The following WNT2 variants were observed in gnomAD, a reference collection of about 807,000 sequenced individuals.
WNT2 encodes the protein Wnt family member 2.
Under a neutral mutation model 36.9 loss-of-function variants are expected in WNT2, and 12 were observed. That is an observed-to-expected ratio of 0.33 (90% CI 0.21 to 0.53). WNT2 has a LOEUF of 0.53. WNT2 is among the 20% of genes least tolerant of loss of function. The probability of loss-of-function intolerance (pLI) is 0.95; values close to 1 mark genes in which losing one functional copy is unlikely to be tolerated. For missense variants in WNT2, 379 were observed against 473.1 expected (o/e 0.80, Z 1.84); for synonymous variants, 163 against 174.6 (o/e 0.93, Z 0.52).
chr7:117,280,653 A>G (rs913764554), intron 4 of WNT2, among the ~76,000 whole-genome samples: 4 of 152,204 alleles, frequency 2.6e-5, no homozygotes, highest in African/African-American at 9.7e-5. Context: ...CAGATTTGCC[A>G]TGTATCAACT....
At chr7:117,318,943 T>C (rs1318340356) in intron 2 of WNT2, among the ~76,000 whole-genome samples, 2 of 152,246 alleles carry the variant, frequency 1.3e-5, no homozygotes, top group Non-Finnish European at 2.9e-5. Flanking sequence ...CACTGGTCAA[T>C]ATTGCTTCCT....
intron 3 of WNT2, among the ~76,000 whole-genome samples, chr7:117,314,833 G>C (rs1315135678): frequency 6.6e-6 from 1 of 152,182 alleles, no homozygotes; most frequent in East Asian, 1.9e-4. Flanking sequence ...TCAACACAAT[G>C]CCAAACACAA....
chr7:117,289,051 CTTTTTTT>C (rs1187027317), intron 4 of WNT2, among the ~76,000 whole-genome samples: 6 of 89,450 alleles, frequency 6.7e-5, no homozygotes, highest in Non-Finnish European at 1.0e-4. Flanking sequence ...TCACGTTAGA[CTTTTTTT>C]TTTTTTTTTT....
chr7:117,284,585 T>A lies in WNT2; in HGVS notation c.854-6201A>T, dbSNP rs564065720. ...ATCCCATAAGGGTGAGTTTTCACATTTTCCAAGCTGAATGGAGTGAAAGTT... is the reference window on the plus strand; with the variant it reads ...ATCCCATAAGGGTGAGTTTTCACATATTCCAAGCTGAATGGAGTGAAAGTT... On this transcript the variant is annotated intron_variant, in intron 4 of 4. Transcript: ENST00000265441. The surrounding 1 kb of genome is among the most constrained non-coding windows in gnomAD (Gnocchi z 5.2). Among the ~76,000 whole-genome samples the A allele has an allele frequency of 1.3e-5, 2 of 152,350 alleles. No individual in the cohort carries two copies. The highest frequency in any genetic ancestry group is 1.3e-4 in the Admixed American group (2 of 15,306).
chr7:117,287,402 C>T (rs1156822678), intron 4 of WNT2, among the ~76,000 whole-genome samples: 1 of 152,148 alleles, frequency 6.6e-6, no homozygotes, highest in East Asian at 1.9e-4. Context: ...TCCTGTAACT[C>T]CTTCCATCAG....
chr7:117,278,052 G>A lies in WNT2; in HGVS notation c.*103C>T. 1 of 1,354,282 alleles carries A rather than the reference G, an allele frequency of 7.4e-7. No individual in the cohort carries two copies. Among genetic ancestry groups the A allele is most frequent in the Non-Finnish European group, 1.0e-6 (1 of 972,184 alleles). The allele number at this position is 1,354,282 out of a possible 1,614,324, so 83.9% of individuals were successfully genotyped here. On this transcript the variant is annotated 3_prime_UTR_variant, in exon 5 of 5. Coordinates refer to ENST00000265441, the MANE Select transcript of WNT2 (RefSeq NM_003391.3). ...GCTTCCGTTGAGATAAAGGCCACATGCCTTAGGAAATATCCCCCCAGAAAG... is the reference window on the plus strand; with the variant it reads ...GCTTCCGTTGAGATAAAGGCCACATACCTTAGGAAATATCCCCCCAGAAAG...
chr7:117,287,124 G>A (rs1046859756), intron 4 of WNT2, among the ~76,000 whole-genome samples: 2 of 152,206 alleles, frequency 1.3e-5, no homozygotes, highest in Non-Finnish European at 2.9e-5. Context: ...CAAGGCAGGC[G>A]GATCACAAGT....
Position 117,309,384 on chromosome 7 carries a change from C to T in WNT2, c.588+5687G>A, listed in dbSNP as rs1016708994. Among the ~76,000 whole-genome samples, 16 of 152,220 alleles carry T rather than the reference C, an allele frequency of 1.1e-4. 1 individual carries two copies. Among genetic ancestry groups the T allele is most frequent in the African/African-American group, 1.4e-4 (6 of 41,554 alleles). Reference sequence around the variant, plus strand: ...CCTAGTGCTCTGCAGCACTGATCTTCGGTGGTGCTTGTTTGGATAGTGAGT... The same window carrying T: ...CCTAGTGCTCTGCAGCACTGATCTTTGGTGGTGCTTGTTTGGATAGTGAGT... On this transcript the variant is annotated intron_variant, in intron 3 of 4. Coordinates refer to ENST00000265441, the MANE Select transcript of WNT2 (RefSeq NM_003391.3).
chr7:117,290,129 C>T (rs1406733986), intron 4 of WNT2, among the ~76,000 whole-genome samples: 3 of 152,020 alleles, frequency 2.0e-5, no homozygotes, highest in Non-Finnish European at 4.4e-5. Flanking sequence ...GAATTGGATA[C>T]AGGATGATGG....
In WNT2 at chr7:117,276,635, A is replaced by G. The variant is rs1794384535; in HGVS notation, c.*1520T>C. On this transcript the variant is annotated 3_prime_UTR_variant, in exon 5 of 5. Transcript: ENST00000265441. Reference sequence around the variant, plus strand: ...AGAATGAGGAAGAACCAATAATTTGATACCAGATGCATGTAATGAAATATC... The same window carrying G: ...AGAATGAGGAAGAACCAATAATTTGGTACCAGATGCATGTAATGAAATATC... The G allele has an allele frequency of 2.0e-5, 3 of 152,250 alleles. No homozygotes were observed. The highest frequency in any genetic ancestry group is 4.4e-5 in the Non-Finnish European group (3 of 68,050). 9.4% of individuals were successfully genotyped at this position (152,250 alleles called of 1,614,324 possible).
intron 3 of WNT2, among the ~76,000 whole-genome samples, chr7:117,299,353 A>G (rs1243827869): frequency 6.6e-6 from 1 of 152,202 alleles, no homozygotes; most frequent in Non-Finnish European, 1.5e-5. Context: ...CTCACTCCAC[A>G]TCAAGTACTT....
At chr7:117,303,503 C>G (rs970861356) in intron 3 of WNT2, among the ~76,000 whole-genome samples, 1 of 152,040 alleles carries the variant, frequency 6.6e-6, no homozygotes, top group African/African-American at 2.4e-5. Context: ...CAGGCTATAG[C>G]GGCAGGATAC....
At chr7:117,314,949 G>GA in intron 3 of WNT2, 122 bp downstream of exon 3, 1 of 1,398,276 alleles carries the variant, frequency 7.2e-7, no homozygotes, top group Middle Eastern at 2.7e-4. Flanking sequence ...ATGGCTGGGG[G>GA]ACAGTAGGAA....
At chr7:117,297,500 C>T (rs1364520158) in intron 4 of WNT2, 112 bp downstream of exon 4, 9 of 1,331,570 alleles carry the variant, frequency 6.8e-6, no homozygotes, top group East Asian at 4.7e-5. Context: ...TGATAAGGAT[C>T]GTGAGCTTTG....
At chr7:117,279,432 G>C (rs1481046966) in intron 4 of WNT2, among the ~76,000 whole-genome samples, 1 of 152,170 alleles carries the variant, frequency 6.6e-6, no homozygotes, top group Non-Finnish European at 1.5e-5. Context: ...CAACTGACTT[G>C]TGCTGGGCCA....
At position 117,284,681 on chromosome 7, in the gene WNT2, ACT is replaced by A. The variant is rs1293439940; in HGVS notation, c.854-6299_854-6298del. On this transcript the variant is annotated intron_variant, in intron 4 of 4. Transcript: ENST00000265441. The surrounding 1 kb of genome is among the most constrained non-coding windows in gnomAD (Gnocchi z 5.2). ...CTTCCTTTCCCTCTATCTTCTTTTCACTCTCTTTCTTTTCTTTCTGTTCACAA... is the reference window on the plus strand; with the variant it reads ...CTTCCTTTCCCTCTATCTTCTTTTCACTCTTTCTTTTCTTTCTGTTCACAA... 6.7e-6 allele frequency among the ~76,000 whole-genome samples: 1 copy of A among 148,968 alleles called. No homozygotes were observed. The highest frequency in any genetic ancestry group is 6.7e-5 in the Admixed American group (1 of 14,946).
intron 4 of WNT2, among the ~76,000 whole-genome samples, chr7:117,293,907 C>T (rs1794739491): frequency 6.6e-6 from 1 of 152,138 alleles, no homozygotes; most frequent in Non-Finnish European, 1.5e-5. Context: ...CCCCTTCTTA[C>T]AGGTCTCAGA....
At chr7:117,308,789 T>G (rs1234563949) in intron 3 of WNT2, among the ~76,000 whole-genome samples, 1 of 152,174 alleles carries the variant, frequency 6.6e-6, no homozygotes, top group African/African-American at 2.4e-5. Context: ...TTCCCTACTT[T>G]CTAAGAGTGT....
In WNT2 at chr7:117,315,400, T is replaced by G. The variant is rs561702901; in HGVS notation, c.311-52A>C. ...GTGGTCCGGTAGCACTATTTCTGAATAACTTTCATATGACAATTGTTTAAT... is the reference window on the plus strand; with the variant it reads ...GTGGTCCGGTAGCACTATTTCTGAAGAACTTTCATATGACAATTGTTTAAT... On this transcript the variant is annotated intron_variant, in intron 2 of 4. Coordinates refer to ENST00000265441, the MANE Select transcript of WNT2 (RefSeq NM_003391.3). 2.6e-6 allele frequency: 4 copies of G among 1,534,064 alleles called. No homozygotes were observed. In the Admixed American group the frequency reaches 6.0e-5, roughly 23 times the overall value.
Sources: gnomAD v4.1 joint callset for allele counts (sites outside exome capture counted in the v4.1 genomes callset) on GRCh38, gnomAD v4.1.1 for gene constraint, Gnocchi (gnomAD v3.1) non-coding constraint, MANE v1.5 for transcripts, NCBI Gene and HGNC (gene_info 2026-07-23, HGNC 2026-07-21) for gene names.